C2orf80: variants seen among roughly 807,000 people sequenced by gnomAD.
The protein encoded by C2orf80 is chromosome 2 open reading frame 80.
Under a neutral mutation model 30.2 loss-of-function variants are expected in C2orf80, and 28 were observed. The ratio of observed to expected loss-of-function variants is 0.93; its 90% CI spans 0.69 to 1.27. The LOEUF is 1.27. Ranked by LOEUF, C2orf80 falls within the 50% of genes most tolerant of loss-of-function variation. C2orf80 has a pLI of 0.00. For missense variants in C2orf80, 220 were observed against 231.0 expected, an observed-to-expected ratio of 0.95 and a Z score of 0.31; for synonymous variants, 80 against 76.4, an observed-to-expected ratio of 1.05 and a Z score of -0.24.
At chr2:208,170,696 A>G (rs942992574) in intron 8 of C2orf80, among the ~76,000 whole-genome samples, 1 of 152,226 alleles carries the variant, frequency 6.6e-6, no homozygotes, top group Non-Finnish European at 1.5e-5. Flanking sequence ...TTTAACATGA[A>G]TAATCTCAGT....
At chr2:208,189,698 G>A (rs6705133) in intron 1 of C2orf80, among the ~76,000 whole-genome samples, 21,655 of 152,174 alleles carry the variant, frequency 0.14, 1,698 homozygotes, top group South Asian at 0.22. Flanking sequence ...AGACCGCTGT[G>A]TGTTTTGTGT....
At chr2:208,177,125 A>ATATATATATACATACATATATAT (rs1559340952) in intron 6 of C2orf80, among the ~76,000 whole-genome samples, 1 of 143,702 alleles carries the variant, frequency 7.0e-6, no homozygotes, top group East Asian at 2.1e-4. Flanking sequence ...GCTCGATTTT[A>ATATATATATACATACATATATAT]TATATATACA....
chr2:208,182,033 A>G (rs1696577943), intron 4 of C2orf80, among the ~76,000 whole-genome samples: 1 of 151,752 alleles, frequency 6.6e-6, no homozygotes, highest in Non-Finnish European at 1.5e-5. Context: ...TTTCAATTGG[A>G]TTTTCAAATT....
rs1574359916 is a variant in C2orf80 at position 208,173,149 on chromosome 2, A to G, written c.367-1074T>C. 2.1e-5 allele frequency among the ~76,000 whole-genome samples: 3 copies of G among 141,030 alleles called. No individual in the cohort carries two copies. The East Asian group carries it at 6.2e-4, about 29-fold the overall frequency. 92.5% of individuals were successfully genotyped at this position (141,030 alleles called of 152,430 possible). A position where few individuals can be genotyped will look rare whatever the true frequency, so the allele number is the denominator to read the frequency against. Reference sequence around the variant, plus strand: ...AAAAAAAAAAAAAAAAAAAAACTCAAGTGCCTGAAATGGAAAAATAGATGA... The same window carrying G: ...AAAAAAAAAAAAAAAAAAAAACTCAGGTGCCTGAAATGGAAAAATAGATGA... On this transcript the variant is annotated intron_variant, in intron 6 of 8. Transcript: ENST00000341287.
intron 6 of C2orf80, among the ~76,000 whole-genome samples, chr2:208,179,525 A>G (rs190889693): frequency 6.6e-6 from 1 of 152,116 alleles, no homozygotes; most frequent in East Asian, 1.9e-4. Flanking sequence ...CCCCCCTCCC[A>G]CTGCATGGCC....
intron 6 of C2orf80, among the ~76,000 whole-genome samples, chr2:208,175,664 G>A (rs1377090985): frequency 6.6e-6 from 1 of 151,964 alleles, no homozygotes; most frequent in Non-Finnish European, 1.5e-5. Context: ...TTTAGCTGTT[G>A]CTTAGGAGAC....
intron 6 of C2orf80, among the ~76,000 whole-genome samples, chr2:208,176,697 C>T (rs1696308491): frequency 6.6e-6 from 1 of 151,872 alleles, no homozygotes; most frequent in African/African-American, 2.4e-5. Context: ...TCTTTGCGTC[C>T]CTGTTTTTAC....
chr2:208,173,716 AT>A (rs1296767850), intron 6 of C2orf80, among the ~76,000 whole-genome samples: 2 of 152,222 alleles, frequency 1.3e-5, no homozygotes, highest in Non-Finnish European at 2.9e-5. Flanking sequence ...TGGTAAAACT[AT>A]AAAGAAGTAA....
chr2:208,181,053 T>C (rs1696541796), intron 5 of C2orf80, among the ~76,000 whole-genome samples, 165 bp downstream of exon 5: 1 of 152,214 alleles, frequency 6.6e-6, no homozygotes, highest in Admixed American at 6.5e-5. Flanking sequence ...ACATACAGTG[T>C]AGAAGTTAGT....
intron 8 of C2orf80, among the ~76,000 whole-genome samples, chr2:208,167,171 G>A (rs1310431615): frequency 2.6e-5 from 4 of 151,916 alleles, no homozygotes; most frequent in African/African-American, 9.7e-5. Flanking sequence ...TTACTTCCTA[G>A]TAATGTGCCC....
At chr2:208,183,842 A>T (rs538616214) in intron 3 of C2orf80, among the ~76,000 whole-genome samples, 20 of 152,290 alleles carry the variant, frequency 1.3e-4, no homozygotes, top group Non-Finnish European at 2.5e-4. Flanking sequence ...TATCATGGTG[A>T]CCACCTTTTC....
chr2:208,166,925 C>T (rs1010161494), intron 8 of C2orf80, among the ~76,000 whole-genome samples: 13 of 152,126 alleles, frequency 8.5e-5, no homozygotes, highest in African/African-American at 3.1e-4. Flanking sequence ...GCTGGGATTA[C>T]AGGCGTGAGC....
intron 4 of C2orf80, 146 bp downstream of exon 4, chr2:208,182,819 A>C (rs1174222429): frequency 1.4e-6 from 1 of 720,242 alleles, no homozygotes; most frequent in Non-Finnish European, 2.5e-6. Flanking sequence ...CAGGTTCCTC[A>C]GGTGTCTCGT....
At position 208,186,940 on chromosome 2, in the gene C2orf80, A is replaced by G; in HGVS notation, c.41+6T>C. On this transcript the variant is annotated splice_donor_region_variant and intron_variant, in intron 2 of 8. Transcript: ENST00000341287. ...ATAAATGAAAGTTATTCTCAGTCAT[A>G]CTTACAAGAGCTTTTTCATTTCCTT... 6.2e-7 allele frequency: 1 copy of G among 1,612,888 alleles called. No individual in the cohort carries two copies. The highest frequency in any genetic ancestry group is 1.1e-5 in the South Asian group (1 of 91,060).
At chr2:208,167,974 T>C (rs62194830) in intron 8 of C2orf80, among the ~76,000 whole-genome samples, 18,335 of 152,026 alleles carry the variant, frequency 0.12, 1,164 homozygotes, top group South Asian at 0.17. Flanking sequence ...GGCATTGTTT[T>C]ATCTTGAGGT....
intron 7 of C2orf80, among the ~76,000 whole-genome samples, 192 bp from the exon 8 acceptor site, chr2:208,171,255 C>T (rs1696089608): frequency 6.6e-6 from 1 of 152,168 alleles, no homozygotes; most frequent in Non-Finnish European, 1.5e-5. Flanking sequence ...TAACAATCCT[C>T]CCAACTCAGC....
chr2:208,172,829 T>A (rs961651567), intron 6 of C2orf80, among the ~76,000 whole-genome samples: 1 of 152,124 alleles, frequency 6.6e-6, no homozygotes, highest in African/African-American at 2.4e-5. Context: ...TTGCAAGAGA[T>A]AACTTGGCCA....
Position 208,172,011 on chromosome 2 carries a change from G to T in C2orf80, c.431C>A (p.Ala144Glu). The T allele has an allele frequency of 6.2e-7, 1 of 1,613,912 alleles. No homozygotes were observed. The highest frequency in any genetic ancestry group is 1.1e-5 in the South Asian group (1 of 91,068). Residue 144 changes from alanine (A) to glutamate (E), a missense_variant, in exon 7 of 9, where the codon GCA becomes GAA. Coordinates refer to ENST00000341287, the MANE Select transcript of C2orf80 (RefSeq NM_001099334.3). Reference protein sequence around the residue: ...HPFAMLTAPKAAAYARKQSVK... With the variant: ...HPFAMLTAPKEAAYARKQSVK... ...ACTCTGTTTGCGGGCGTATGCTGCTGCTTTGGGTGCTGTTAACATGGCAAA... is the reference window on the plus strand; with the variant it reads ...ACTCTGTTTGCGGGCGTATGCTGCTTCTTTGGGTGCTGTTAACATGGCAAA...
At position 208,170,624 on chromosome 2, in the gene C2orf80, A is replaced by G. The variant is rs73986533; in HGVS notation, c.573+321T>C. Among the ~76,000 whole-genome samples the G allele has an allele frequency of 3.1e-3, 474 of 152,346 alleles. 6 individuals carry two copies. Among genetic ancestry groups the G allele is most frequent in the African/African-American group, 0.011 (452 of 41,588 alleles). ...TGTGGATAGTATTTTTCAAATGCTG[A>G]AAAGATAATAATAGCTAGTATTTAT... is the stretch of plus-strand genomic sequence containing the variant. On this transcript the variant is annotated intron_variant, in intron 8 of 8. Transcript: ENST00000341287.
Sources: gnomAD v4.1 joint callset for allele counts (sites outside exome capture counted in the v4.1 genomes callset) on GRCh38, gnomAD v4.1.1 for gene constraint, MANE v1.5 for transcripts, NCBI Gene and HGNC (gene_info 2026-07-23, HGNC 2026-07-21) for gene names.